Variants in NAV2 observed in about 807,000 individuals in gnomAD.
NAV2 encodes helicase, APC down-regulated 1.
A neutral mutation model predicts 223.2 loss-of-function variants in NAV2; 54 were observed. That is an observed-to-expected ratio of 0.24 (90% CI 0.19 to 0.30). The LOEUF (loss-of-function observed/expected upper bound fraction) is 0.30, where lower values mean the gene tolerates loss of function less well. NAV2 is among the 10% of genes least tolerant of loss of function. The pLI is 1.00. For synonymous variants in NAV2, 1,279 were observed against 1,239.3 expected (o/e 1.03, Z -0.67); for missense variants, 2,806 against 3,147.5 (o/e 0.89, Z 2.60).
intron 1 of NAV2, among the ~76,000 whole-genome samples, chr11:19,418,055 A>G (rs922778818): frequency 6.6e-6 from 1 of 152,176 alleles, no homozygotes; most frequent in African/African-American, 2.4e-5. Context: ...CCATCATGGC[A>G]TGTGTATACC....
chr11:19,977,965 C>T (rs538874994), intron 10 of NAV2, among the ~76,000 whole-genome samples: 1 of 146,646 alleles, frequency 6.8e-6, no homozygotes, highest in Non-Finnish European at 1.5e-5. Context: ...CCACCACGCC[C>T]AGCTCATTTT....
intron 1 of NAV2, among the ~76,000 whole-genome samples, chr11:19,453,057 G>A (rs1263798271): frequency 6.6e-6 from 1 of 152,196 alleles, no homozygotes; most frequent in African/African-American, 2.4e-5. Context: ...TGGCTGGTAA[G>A]TGCGAGTTAG....
intron 1 of NAV2, among the ~76,000 whole-genome samples, chr11:19,552,346 T>A (rs1042453115): frequency 2.0e-5 from 3 of 152,192 alleles, no homozygotes; most frequent in Admixed American, 6.5e-5. Flanking sequence ...AGTCATTGAG[T>A]GTTCAGCCTC....
chr11:19,570,740 CTT>C (rs1297895192), intron 1 of NAV2, among the ~76,000 whole-genome samples: 1 of 152,222 alleles, frequency 6.6e-6, no homozygotes, highest in Non-Finnish European at 1.5e-5. Context: ...TGAAATACCA[CTT>C]CACACACGCT....
chr11:19,491,135 G>A (rs926064851), intron 1 of NAV2, among the ~76,000 whole-genome samples: 1 of 152,106 alleles, frequency 6.6e-6, no homozygotes, highest in Admixed American at 6.5e-5. Flanking sequence ...CTGAGCACAA[G>A]CAGTAGATGT....
intron 1 of NAV2, among the ~76,000 whole-genome samples, chr11:19,501,478 C>T (rs998709096): frequency 6.6e-6 from 1 of 152,134 alleles, no homozygotes; most frequent in Non-Finnish European, 1.5e-5. Flanking sequence ...CACAACTCCA[C>T]TGGTTGTAAA....
At position 20,021,354 on chromosome 11, in the gene NAV2, C is replaced by T. The variant is rs990235802; in HGVS notation, c.2769-14605C>T. ...TGAATAAATGAATACATCAACATTTCCTAGCTTACCTTGATGACAAATCAG... is the reference window on the plus strand; with the variant it reads ...TGAATAAATGAATACATCAACATTTTCTAGCTTACCTTGATGACAAATCAG... On this transcript the variant is annotated intron_variant, in intron 11 of 37. Transcript: ENST00000349880. Among the ~76,000 whole-genome samples, 3 of 152,094 alleles carry T rather than the reference C, an allele frequency of 2.0e-5. No homozygotes were observed. The South Asian group carries it at 6.2e-4, about 32-fold the overall frequency.
intron 22 of NAV2, among the ~76,000 whole-genome samples, chr11:20,072,065 T>C (rs1021335574): frequency 6.6e-6 from 1 of 152,228 alleles, no homozygotes; most frequent in Non-Finnish European, 1.5e-5. Flanking sequence ...GTTTTTATGA[T>C]TTTAGGTCTT....
chr11:19,890,076 A>T (rs563120823), intron 5 of NAV2, among the ~76,000 whole-genome samples: 6 of 152,342 alleles, frequency 3.9e-5, no homozygotes, highest in African/African-American at 1.4e-4. Flanking sequence ...AAACTAACAT[A>T]CGGTGGCTGG....
intron 3 of NAV2, among the ~76,000 whole-genome samples, chr11:19,850,625 C>G (rs922561629): frequency 6.6e-6 from 1 of 152,058 alleles, no homozygotes; most frequent in Non-Finnish European, 1.5e-5. Flanking sequence ...AGTGTCTTTC[C>G]CTAATTCTTT....
At chr11:19,989,634 T>C (rs1049206193) in intron 11 of NAV2, among the ~76,000 whole-genome samples, 2 of 152,176 alleles carry the variant, frequency 1.3e-5, no homozygotes, top group African/African-American at 4.8e-5. Flanking sequence ...AAACCAGTAA[T>C]AGTTGCCATT....
chr11:19,713,865 C>T lies in NAV2; in HGVS notation c.170C>T (p.Pro57Leu). The T allele has an allele frequency of 6.2e-7, 1 of 1,613,716 alleles. No individual in the cohort carries two copies. Residue 57 changes from proline (P) to leucine (L), a missense_variant, in exon 1 of 38, where the codon CCC becomes CTC. Physicochemically the swap from Pro to Leu is moderately conservative, Grantham distance 98. Coordinates refer to ENST00000349880, the MANE Select transcript of NAV2 (RefSeq NM_145117.5). This position sits in a 1 kb window ranked among gnomAD's most constrained non-coding sequence, Gnocchi z 7.2. ...VSKTTYPSQI[P>L]LKSQVLQGLQ... ...AAGACCACCTATCCTAGCCAGATCC[C>T]CCTGAAATCGCAGGTGCTGCAGGGG...
chr11:19,526,063 G>A (rs2043834428), intron 1 of NAV2, among the ~76,000 whole-genome samples: 1 of 152,118 alleles, frequency 6.6e-6, no homozygotes, highest in Non-Finnish European at 1.5e-5. Context: ...TTCTCTTTCA[G>A]CATCATGCTG....
At chr11:19,704,473 A>G (rs1451590320) in intron 1 of NAV2, among the ~76,000 whole-genome samples, 1 of 152,128 alleles carries the variant, frequency 6.6e-6, no homozygotes, top group Admixed American at 6.5e-5. Flanking sequence ...CTGCTCTTCT[A>G]CTTAATTGGC....
At chr11:19,943,421 AT>A (rs1200656153) in intron 8 of NAV2, among the ~76,000 whole-genome samples, 5 of 152,118 alleles carry the variant, frequency 3.3e-5, no homozygotes, top group Non-Finnish European at 7.4e-5. Context: ...TGCCTTCCAA[AT>A]TTCTTTGGGT....
At chr11:19,438,021 C>A (rs1851271447) in intron 1 of NAV2, among the ~76,000 whole-genome samples, 1 of 152,172 alleles carries the variant, frequency 6.6e-6, no homozygotes, top group Non-Finnish European at 1.5e-5. Context: ...GAATGAAAAG[C>A]CTTCACTGGG....
intron 10 of NAV2, among the ~76,000 whole-genome samples, chr11:19,960,113 TG>T (rs2048228079): frequency 6.6e-6 from 1 of 152,212 alleles, no homozygotes; most frequent in Non-Finnish European, 1.5e-5. Flanking sequence ...CCCCTGACTG[TG>T]CCCTGGGGCT....
chr11:19,553,849 C>T (rs2044772876), intron 1 of NAV2, among the ~76,000 whole-genome samples: 1 of 152,238 alleles, frequency 6.6e-6, no homozygotes, highest in African/African-American at 2.4e-5. Flanking sequence ...CTCTCTGTGC[C>T]AGCCGGGTAG....
intron 31 of NAV2, 76 bp downstream of exon 31, chr11:20,097,821 T>C: frequency 1.5e-6 from 2 of 1,360,464 alleles, no homozygotes; most frequent in Non-Finnish European, 2.0e-6. Context: ...TAGGCACTTG[T>C]GGCCCCAGTT....
Sources: allele counts gnomAD v4.1 joint callset (sites outside exome capture counted in the v4.1 genomes callset), GRCh38; gene constraint gnomAD v4.1.1; non-coding constraint Gnocchi (gnomAD v3.1); transcripts MANE v1.5; gene names NCBI Gene and HGNC (gene_info 2026-07-23, HGNC 2026-07-21).